Variants in PPARGC1B observed in about 807,000 individuals in gnomAD.
The protein encoded by PPARGC1B is peroxisome proliferator-activated receptor gamma coactivator 1-beta.
In PPARGC1B, 34 loss-of-function variants were observed where a neutral mutation model predicts 101.6. The ratio of observed to expected loss-of-function variants is 0.33; its 90% confidence interval spans 0.25 to 0.45. The LOEUF is 0.45. Among genes scored for constraint, PPARGC1B ranks in the 20% least tolerant of loss-of-function variants. The pLI is 1.00. For missense variants in PPARGC1B, 1,234 were observed against 1,317.6 expected (o/e 0.94, Z 0.98); for synonymous variants, 548 against 539.3 (o/e 1.02, Z -0.22).
chr5:149,750,448 GT>G, intron 1 of PPARGC1B, among the ~76,000 whole-genome samples: 1 of 99,564 alleles, frequency 1.0e-5, no homozygotes, highest in African/African-American at 4.0e-5. Context: ...CTCTGTTTTA[GT>G]TAAAATATAT....
At chr5:149,763,388 AG>A (rs1464381976) in intron 1 of PPARGC1B, among the ~76,000 whole-genome samples, 1 of 152,112 alleles carries the variant, frequency 6.6e-6, no homozygotes, top group Admixed American at 6.5e-5. Context: ...AGTGGAGTTC[AG>A]GGGCAGGGGG....
intron 1 of PPARGC1B, among the ~76,000 whole-genome samples, chr5:149,783,091 A>AG (rs1581047998): frequency 6.7e-5 from 10 of 150,040 alleles, no homozygotes; most frequent in Admixed American, 5.3e-4. Flanking sequence ...ATGAGAGATA[A>AG]AGAGAGAGAG....
intron 1 of PPARGC1B, among the ~76,000 whole-genome samples, chr5:149,737,879 A>G (rs1393205064): frequency 2.6e-5 from 4 of 152,196 alleles, no homozygotes; most frequent in African/African-American, 4.8e-5. Context: ...CTGTATTCCC[A>G]GCTACTTGGG....
At chr5:149,795,808 T>G (rs1040604204) in intron 1 of PPARGC1B, among the ~76,000 whole-genome samples, 1 of 151,010 alleles carries the variant, frequency 6.6e-6, no homozygotes, top group South Asian at 2.1e-4. Flanking sequence ...TGATTATCTT[T>G]TTTTTTCACA....
intron 2 of PPARGC1B, among the ~76,000 whole-genome samples, chr5:149,824,351 A>G (rs752954807): frequency 6.6e-6 from 1 of 152,078 alleles, no homozygotes; most frequent in Non-Finnish European, 1.5e-5. Flanking sequence ...GCCTCCCGCC[A>G]TTGTTCATTG....
intron 1 of PPARGC1B, chr5:149,817,725 T>G (rs1485330946): frequency 4.4e-6 from 2 of 456,182 alleles, no homozygotes; most frequent in Non-Finnish European, 8.8e-6. Flanking sequence ...CAATACCAAG[T>G]GTTGGAGAGG....
chr5:149,752,580 G>T (rs1322551595), intron 1 of PPARGC1B, among the ~76,000 whole-genome samples: 1 of 152,214 alleles, frequency 6.6e-6, no homozygotes, highest in Non-Finnish European at 1.5e-5. Context: ...TGTAATCCCA[G>T]CACTTTGGGA....
intron 1 of PPARGC1B, among the ~76,000 whole-genome samples, chr5:149,739,060 G>T (rs962175836): frequency 6.6e-6 from 1 of 152,210 alleles, no homozygotes; most frequent in Admixed American, 6.5e-5. Context: ...TGGTTGCCTA[G>T]AAGAGCGTTT....
chr5:149,762,985 A>C (rs1321587600), intron 1 of PPARGC1B, among the ~76,000 whole-genome samples: 1 of 152,124 alleles, frequency 6.6e-6, no homozygotes, highest in Non-Finnish European at 1.5e-5. Flanking sequence ...TGGGGGTCTC[A>C]CCATGTTGCC....
Position 149,776,341 on chromosome 5 carries a change from G to A in PPARGC1B, c.79-44092G>A, listed in dbSNP as rs189280620. 2.1e-3 allele frequency among the ~76,000 whole-genome samples: 327 copies of A among 152,222 alleles called. 2 individuals carry two copies. The highest frequency in any genetic ancestry group is 7.3e-3 in the African/African-American group (304 of 41,538). ...CTACAAAAATTCTGCCTTATGCAGC[G>A]TTTCCCAAAAGAGGTTCCAAAGGTT... On this transcript the variant is annotated intron_variant, in intron 1 of 11. Transcript: ENST00000309241.
chr5:149,811,047 A>G (rs921944200), intron 1 of PPARGC1B, among the ~76,000 whole-genome samples: 2 of 152,106 alleles, frequency 1.3e-5, no homozygotes, highest in African/African-American at 4.8e-5. Context: ...TCCTAGGAAA[A>G]AGTCAGATAA....
chr5:149,807,167 C>G (rs562100259), intron 1 of PPARGC1B, among the ~76,000 whole-genome samples: 1 of 151,494 alleles, frequency 6.6e-6, no homozygotes, highest in South Asian at 2.1e-4. Flanking sequence ...GGTTTTGCCA[C>G]GTTGCTCAGA....
intron 1 of PPARGC1B, among the ~76,000 whole-genome samples, chr5:149,795,611 G>T (rs1757181001): frequency 6.6e-6 from 1 of 152,166 alleles, no homozygotes; most frequent in Admixed American, 6.5e-5. Context: ...AGGTGTGGAT[G>T]CCATGTCTCT....
At chr5:149,815,103 G>C (rs1758004251) in intron 1 of PPARGC1B, among the ~76,000 whole-genome samples, 1 of 152,194 alleles carries the variant, frequency 6.6e-6, no homozygotes, top group Non-Finnish European at 1.5e-5. Flanking sequence ...GAGGATCCTG[G>C]CTTCACAGGG....
chr5:149,841,930 T>A (rs752359082), intron 9 of PPARGC1B, among the ~76,000 whole-genome samples: 2 of 152,162 alleles, frequency 1.3e-5, no homozygotes, highest in Non-Finnish European at 2.9e-5. Context: ...CTGCTCAGAC[T>A]TGAAAGGTTA....
intron 3 of PPARGC1B, among the ~76,000 whole-genome samples, chr5:149,830,045 AAAAAAAAAAG>A (rs1480987055): frequency 6.5e-4 from 82 of 126,820 alleles, no homozygotes; most frequent in African/African-American, 2.4e-3. Flanking sequence ...AAAAAAAAAA[AAAAAAAAAAG>A]AAAAAAAAAA....
chr5:149,810,767 G>A (rs1757822668), intron 1 of PPARGC1B, among the ~76,000 whole-genome samples: 1 of 152,166 alleles, frequency 6.6e-6, no homozygotes, highest in South Asian at 2.1e-4. Context: ...TCCGGCCCTG[G>A]GAGGAGCTGG....
downstream of PPARGC1B, among the ~76,000 whole-genome samples, chr5:149,855,353 C>T (rs548128773): frequency 4.6e-5 from 7 of 152,310 alleles, no homozygotes; most frequent in African/African-American, 1.7e-4. Flanking sequence ...CATTCAGACT[C>T]ATCTCACATA....
chr5:149,758,181 A>G (rs1755604335), intron 1 of PPARGC1B, among the ~76,000 whole-genome samples: 2 of 152,264 alleles, frequency 1.3e-5, no homozygotes, highest in Admixed American at 1.3e-4. Flanking sequence ...TCACTTGGCC[A>G]ACTCGTTGGT....
Sources: allele counts gnomAD v4.1 joint callset (sites outside exome capture counted in the v4.1 genomes callset), GRCh38; gene constraint gnomAD v4.1.1; transcripts MANE v1.5; gene names NCBI Gene and HGNC (gene_info 2026-07-23, HGNC 2026-07-21).